PNPLA7: variants seen among roughly 807,000 people sequenced by gnomAD.
The protein encoded by PNPLA7 is patatin-like phospholipase domain-containing protein 7.
A neutral mutation model predicts 161.7 loss-of-function variants in PNPLA7; 153 were observed. The observed-to-expected ratio is 0.95, with a 90% CI of 0.83 to 1.08. The LOEUF (loss-of-function observed/expected upper bound fraction) is 1.08. PNPLA7 is among the 50% of genes least tolerant of loss of function. PNPLA7 has a pLI of 0.00. For synonymous variants in PNPLA7, 809 were observed against 782.1 expected, an observed-to-expected ratio of 1.03 and a Z score of -0.57; for missense variants, 1,739 against 1,856.6, an observed-to-expected ratio of 0.94 and a Z score of 1.16.
chr9:137,478,742 C>T, intron 24 of PNPLA7: 1 of 283,590 alleles, frequency 3.5e-6, no homozygotes, highest in Non-Finnish European at 6.7e-6. Flanking sequence ...TTCACTGAGC[C>T]CCCCTGACGT....
rs1833364492 is a variant in PNPLA7 at position 137,500,850 on chromosome 9, T to G, written c.1598A>C (p.Gln533Pro). ...FVVSGLLHVY[Q>P]RKIGSQEDTC... ...GTCCTCCTGGCTGCCGATCTTCCGC[T>G]GGTACACGTGCAGCAGCCCCGAGAC... The change falls in exon 16 of 35, where the codon CAG (glutamine) becomes CCG (proline). Residue 533 changes from glutamine (Q) to proline (P), a missense_variant. Gln to Pro is a moderately conservative substitution (Grantham distance 76). This residue lies in a region of PNPLA7 where 481 missense variants were observed against 450.0 expected (regional missense o/e 1.07). Coordinates refer to ENST00000406427, the MANE Select transcript of PNPLA7 (RefSeq NM_001098537.3). This position sits in a 1 kb window ranked among gnomAD's most constrained non-coding sequence, Gnocchi z 5.5. 1 of 1,595,344 alleles carries G rather than the reference T, an allele frequency of 6.3e-7. No individual in the cohort carries two copies. Among genetic ancestry groups the G allele is most frequent in the Non-Finnish European group, 8.5e-7 (1 of 1,173,178 alleles).
In PNPLA7 at chr9:137,486,118, G is replaced by A. The variant is rs371955351; in HGVS notation, c.2198-1382C>T. The stretch of plus-strand genomic sequence containing the variant: ...GGCTGTCCCCTGGCCTATGTCTCCC[G>A]TCCCCAGTGAGGTGGCTTCCAAAAT... On this transcript the variant is annotated intron_variant, in intron 20 of 34. Transcript: ENST00000406427. The surrounding 1 kb of genome is among the most constrained non-coding windows in gnomAD (Gnocchi z 6.0). 4.6e-5 allele frequency among the ~76,000 whole-genome samples: 7 copies of A among 151,902 alleles called. No individual in the cohort carries two copies. The highest frequency in any genetic ancestry group is 9.7e-5 in the African/African-American group (4 of 41,330).
chr9:137,493,987 G>A (rs1832905634), intron 19 of PNPLA7, among the ~76,000 whole-genome samples: 1 of 152,202 alleles, frequency 6.6e-6, no homozygotes, highest in African/African-American at 2.4e-5. Flanking sequence ...TTGAGTGGGA[G>A]AAGCGCTACC....
At chr9:137,532,903 A>G (rs978623552) in intron 8 of PNPLA7, among the ~76,000 whole-genome samples, 2 of 152,162 alleles carry the variant, frequency 1.3e-5, no homozygotes, top group Non-Finnish European at 2.9e-5. Flanking sequence ...TCCAGACGGG[A>G]GCACTCCCAG....
rs973119157 is a variant in PNPLA7, at chr9:137,522,370, G to A, written c.876+359C>T. ...GTTACAGGCGGGAGCCGCCGCGCCC[G>A]GCCAAGAGACGGGGTTTCACCGTGT... is the stretch of plus-strand genomic sequence containing the variant. On this transcript the variant is annotated intron_variant, in intron 9 of 34. Transcript: ENST00000406427. 7.0e-5 allele frequency among the ~76,000 whole-genome samples: 10 copies of A among 143,680 alleles called. 1 individual carries two copies. Among genetic ancestry groups the A allele is most frequent in the East Asian group, 6.9e-4 (3 of 4,326 alleles). 94.3% of individuals were successfully genotyped at this position (143,680 alleles called of 152,430 possible).
rs1836125437 is a variant in PNPLA7 at position 137,540,310 on chromosome 9, T to C, written c.747+332A>G. On this transcript the variant is annotated intron_variant, in intron 8 of 34. Coordinates refer to ENST00000406427, the MANE Select transcript of PNPLA7 (RefSeq NM_001098537.3). This position sits in a 1 kb window ranked among gnomAD's most constrained non-coding sequence, Gnocchi z 5.1. Reference sequence around the variant, plus strand: ...GGGTGGCTGGTCCCTCGGGAGGGCCTTGGGCCTGAGGAGAGGAGAAAACGC... The same window carrying C: ...GGGTGGCTGGTCCCTCGGGAGGGCCCTGGGCCTGAGGAGAGGAGAAAACGC... Among the ~76,000 whole-genome samples the C allele has an allele frequency of 6.6e-6, 1 of 152,322 alleles. No individual in the cohort carries two copies. The highest frequency in any genetic ancestry group is 6.5e-5 in the Admixed American group (1 of 15,302).
At chr9:137,477,288 G>A (rs1368743493) in intron 25 of PNPLA7, among the ~76,000 whole-genome samples, 3 of 152,254 alleles carry the variant, frequency 2.0e-5, no homozygotes, top group Non-Finnish European at 4.4e-5. Flanking sequence ...CAAGGCAGGG[G>A]AGGAGGTATC....
At chr9:137,536,200 G>T (rs2132587175) in intron 8 of PNPLA7, among the ~76,000 whole-genome samples, 1 of 152,170 alleles carries the variant, frequency 6.6e-6, no homozygotes, top group East Asian at 1.9e-4. Context: ...GACAAAGGTG[G>T]TGTAGAATAA....
chr9:137,491,555 G>A, intron 20 of PNPLA7: 2 of 985,428 alleles, frequency 2.0e-6, no homozygotes, highest in Non-Finnish European at 2.4e-6. Flanking sequence ...CAGGTAAGTG[G>A]AGAGTGAAGA....
At chr9:137,516,677 G>T in intron 11 of PNPLA7, 2 of 274,568 alleles carry the variant, frequency 7.3e-6, no homozygotes, top group Non-Finnish European at 1.1e-5. Flanking sequence ...AATGAGCTGG[G>T]CCTGGTGGCA....
At chr9:137,526,007 A>G (rs1374261213) in intron 8 of PNPLA7, among the ~76,000 whole-genome samples, 4 of 150,654 alleles carry the variant, frequency 2.7e-5, no homozygotes, top group African/African-American at 9.8e-5. Flanking sequence ...ATAATTGTAG[A>G]ACAGAGATTA....
intron 8 of PNPLA7, among the ~76,000 whole-genome samples, chr9:137,531,648 C>T (rs576512263): frequency 1.3e-5 from 2 of 152,304 alleles, no homozygotes; most frequent in East Asian, 3.9e-4. Flanking sequence ...CACCCACTCA[C>T]GCCAATGAAT....
rs1337384361 is a variant in PNPLA7, at chr9:137,524,681, G to A, written c.748-1824C>T. Among the ~76,000 whole-genome samples, 1 of 152,206 alleles carries A rather than the reference G, an allele frequency of 6.6e-6. No individual in the cohort carries two copies. The highest frequency in any genetic ancestry group is 1.5e-5 in the Non-Finnish European group (1 of 68,042). On this transcript the variant is annotated intron_variant, in intron 8 of 34. Coordinates refer to ENST00000406427, the MANE Select transcript of PNPLA7 (RefSeq NM_001098537.3). The surrounding 1 kb of genome is among the most constrained non-coding windows in gnomAD (Gnocchi z 4.4). ...GCTGCCGTGCTTTGCATTCTCACCA[G>A]CGGTGAGTGAGTTTCCATGGATGCC...
In PNPLA7 at chr9:137,467,503, G is replaced by T; in HGVS notation, c.2883-30C>A. 2.5e-6 allele frequency: 4 copies of T among 1,609,692 alleles called. No individual in the cohort carries two copies. Among genetic ancestry groups the T allele is most frequent in the Non-Finnish European group, 2.5e-6 (3 of 1,178,592 alleles). On this transcript the variant is annotated intron_variant, in intron 25 of 34. Coordinates refer to ENST00000406427, the MANE Select transcript of PNPLA7 (RefSeq NM_001098537.3). The surrounding 1 kb of genome is among the most constrained non-coding windows in gnomAD (Gnocchi z 5.1). Reference sequence around the variant, plus strand: ...ACCAGCCAGGGACACAGAGCAAGGAGTGAGTACCAGGCCCAGGCTGCGCCC... The same window carrying T: ...ACCAGCCAGGGACACAGAGCAAGGATTGAGTACCAGGCCCAGGCTGCGCCC...
intron 33 of PNPLA7, chr9:137,461,094 G>C: frequency 2.9e-6 from 1 of 345,166 alleles, no homozygotes; most frequent in African/African-American, 2.1e-5. Context: ...CCATGAAGAC[G>C]TCTCCCAGGA....
intron 25 of PNPLA7, among the ~76,000 whole-genome samples, chr9:137,477,237 A>G (rs1831982198): frequency 6.6e-6 from 1 of 152,210 alleles, no homozygotes; most frequent in African/African-American, 2.4e-5. Flanking sequence ...CTCTGTTCCA[A>G]GGGTATTTAT....
chr9:137,464,572 G>T, intron 26 of PNPLA7, 116 bp from the exon 27 acceptor site: 1 of 967,000 alleles, frequency 1.0e-6, no homozygotes, highest in South Asian at 1.4e-5. Flanking sequence ...GAGTGTCCTT[G>T]GGCCCCACCC....
chr9:137,464,756 G>A (rs1172932600), intron 26 of PNPLA7: 2 of 409,362 alleles, frequency 4.9e-6, no homozygotes, highest in East Asian at 5.0e-5. Flanking sequence ...GGGCCTCCTC[G>A]GCTTTGCCTG....
At chr9:137,472,812 G>A (rs182898217) in intron 25 of PNPLA7, among the ~76,000 whole-genome samples, 10 of 151,718 alleles carry the variant, frequency 6.6e-5, no homozygotes, top group East Asian at 5.8e-4. Flanking sequence ...AAAATTAGCC[G>A]CGTGTGGTGC....
Sources: gnomAD v4.1 joint callset for allele counts (sites outside exome capture counted in the v4.1 genomes callset) on GRCh38, gnomAD v4.1.1 for gene constraint, gnomAD v4.1.1 regional missense constraint, Gnocchi (gnomAD v3.1) non-coding constraint, MANE v1.5 for transcripts, NCBI Gene and HGNC (gene_info 2026-07-23, HGNC 2026-07-21) for gene names.